Variants in EIF4G3 observed in about 807,000 individuals in gnomAD.
EIF4G3 encodes the protein eIF-4-gamma 3.
Under a neutral mutation model 186.4 loss-of-function variants are expected in EIF4G3, and 34 were observed. That is an observed-to-expected ratio of 0.18 (90% confidence interval 0.14 to 0.24). EIF4G3 has a LOEUF of 0.24. Ranked by LOEUF, EIF4G3 falls within the 10% of genes least tolerant of loss-of-function variation. The pLI, the probability that EIF4G3 is intolerant of heterozygous loss-of-function variation, is 1.00. For synonymous variants in EIF4G3, 673 were observed against 679.5 expected, an observed-to-expected ratio of 0.99 and a Z score of 0.15; for missense variants, 1,536 against 1,948.5, an observed-to-expected ratio of 0.79 and a Z score of 3.99.
At chr1:20,869,306 A>ATTTTTTTTTTTTTTTTTTTTTTTTTTTTT (rs954573350) in intron 20 of EIF4G3, among the ~76,000 whole-genome samples, 2 of 97,396 alleles carry the variant, frequency 2.1e-5, no homozygotes, top group Non-Finnish European at 4.0e-5. Context: ...TTACTTTAAA[A>ATTTTTTTTTTTTTTTTTTTTTTTTTTTTT]TTTTTTTTTT....
intron 7 of EIF4G3, among the ~76,000 whole-genome samples, chr1:20,986,123 T>A (rs1473165022): frequency 1.3e-5 from 2 of 152,198 alleles, no homozygotes; most frequent in East Asian, 3.9e-4. Flanking sequence ...AATTCCCAAA[T>A]GAGCTTGATC....
chr1:20,878,273 A>G (rs1204807225), intron 20 of EIF4G3, among the ~76,000 whole-genome samples: 43 of 152,122 alleles, frequency 2.8e-4, no homozygotes, highest in Admixed American at 2.8e-3. Flanking sequence ...TTCTTCTCCA[A>G]ATGTGTATTC....
At chr1:20,938,291 G>A (rs1018825505) in intron 14 of EIF4G3, among the ~76,000 whole-genome samples, 5 of 152,104 alleles carry the variant, frequency 3.3e-5, no homozygotes, top group Non-Finnish European at 4.4e-5. Context: ...CACCGCGCCC[G>A]GCCTCAACTG....
At chr1:21,053,957 G>T (rs1317039492) in intron 3 of EIF4G3, among the ~76,000 whole-genome samples, 1 of 152,062 alleles carries the variant, frequency 6.6e-6, no homozygotes, top group African/African-American at 2.4e-5. Flanking sequence ...CCACCACCCC[G>T]TCTGGGAGGT....
intron 19 of EIF4G3, 126 bp from the exon 20 acceptor site, chr1:20,879,646 C>G: frequency 1.9e-6 from 1 of 540,224 alleles, no homozygotes; most frequent in Non-Finnish European, 2.9e-6. Context: ...GGACTGTGAA[C>G]TAGTGACAGA....
Position 20,969,462 on chromosome 1 carries a change from ACT to A in EIF4G3, c.714+10_714+11del. On this transcript the variant is annotated intron_variant, in intron 12 of 36. Transcript: ENST00000602326. ...CAAATAGTGCCATCCATTACAGCTC[ACT>A]CTGTCTTACCTGAGGAGGAGTAGGT... 2 of 1,612,430 alleles carry A rather than the reference ACT, an allele frequency of 1.2e-6. No homozygotes were observed.
intron 14 of EIF4G3, among the ~76,000 whole-genome samples, chr1:20,923,754 A>T (rs1017816343): frequency 6.6e-6 from 1 of 151,782 alleles, no homozygotes; most frequent in African/African-American, 2.4e-5. Flanking sequence ...ATAATAAAAA[A>T]TACACTCTAA....
chr1:20,880,706 G>A (rs1189605253), intron 19 of EIF4G3, among the ~76,000 whole-genome samples: 3 of 152,116 alleles, frequency 2.0e-5, no homozygotes, highest in Non-Finnish European at 4.4e-5. Flanking sequence ...AGCTGAGATC[G>A]CACCACTGCA....
chr1:20,987,783 T>C (rs2079923758), intron 7 of EIF4G3, among the ~76,000 whole-genome samples: 1 of 152,204 alleles, frequency 6.6e-6, no homozygotes, highest in South Asian at 2.1e-4. Flanking sequence ...AATTAATAAC[T>C]GAACAGTGGC....
At chr1:20,898,841 C>T (rs1457892775) in intron 16 of EIF4G3, among the ~76,000 whole-genome samples, 1 of 152,190 alleles carries the variant, frequency 6.6e-6, no homozygotes, top group Admixed American at 6.5e-5. Flanking sequence ...AGCGATTCTC[C>T]TGCCTCAGCT....
At chr1:20,982,456 T>A in intron 7 of EIF4G3, 48 bp from the exon 8 acceptor site, 7 of 1,488,486 alleles carry the variant, frequency 4.7e-6, no homozygotes, top group South Asian at 2.5e-5. Flanking sequence ...AGAAAGCCAA[T>A]GGAAAAGCTT....
At chr1:21,151,551 A>G (rs1462344145) in intron 2 of EIF4G3, among the ~76,000 whole-genome samples, 2 of 151,956 alleles carry the variant, frequency 1.3e-5, no homozygotes, top group Non-Finnish European at 2.9e-5. Flanking sequence ...ATGGTTATAT[A>G]GTATTTCAAT....
At chr1:20,884,972 A>T (rs1256113682) in intron 19 of EIF4G3, among the ~76,000 whole-genome samples, 1 of 152,168 alleles carries the variant, frequency 6.6e-6, no homozygotes, top group Non-Finnish European at 1.5e-5. Context: ...AAATTGTTCC[A>T]CCTCAGATCA....
chr1:20,860,298 A>C, intron 24 of EIF4G3, 87 bp downstream of exon 24: 1 of 1,554,380 alleles, frequency 6.4e-7, no homozygotes, highest in Non-Finnish European at 8.7e-7. Context: ...GTTCTTTCTG[A>C]TCTCATTTTA....
At chr1:21,049,155 G>A (rs2094068753) in intron 4 of EIF4G3, among the ~76,000 whole-genome samples, 1 of 152,140 alleles carries the variant, frequency 6.6e-6, no homozygotes, top group Non-Finnish European at 1.5e-5. Context: ...TAAGAGATTG[G>A]TGCTGGAGAA....
chr1:20,808,267 G>A (rs544837055), intron 36 of EIF4G3, among the ~76,000 whole-genome samples: 1 of 152,032 alleles, frequency 6.6e-6, no homozygotes, highest in African/African-American at 2.4e-5. Flanking sequence ...TTAAATACGA[G>A]TAGTTTTTTA....
At chr1:21,141,480 G>GAAAA (rs1221266065) in intron 2 of EIF4G3, among the ~76,000 whole-genome samples, 1 of 70,004 alleles carries the variant, frequency 1.4e-5, no homozygotes, top group Non-Finnish European at 3.0e-5. Context: ...CCTACCAAGA[G>GAAAA]AAAAAAAAAA....
chr1:20,964,058 T>C (rs2154564914), intron 12 of EIF4G3, among the ~76,000 whole-genome samples: 1 of 152,326 alleles, frequency 6.6e-6, no homozygotes, highest in South Asian at 2.1e-4. Context: ...CTATTAGGCA[T>C]AATAGCTAGC....
intron 3 of EIF4G3, among the ~76,000 whole-genome samples, chr1:21,052,964 C>T (rs551324675): frequency 5.3e-5 from 8 of 151,010 alleles, no homozygotes; most frequent in East Asian, 2.0e-4. Context: ...GCCTTGGCCC[C>T]GCAAAGTGCC....
Sources: allele counts gnomAD v4.1 joint callset (sites outside exome capture counted in the v4.1 genomes callset), GRCh38; gene constraint gnomAD v4.1.1; transcripts MANE v1.5; gene names NCBI Gene and HGNC (gene_info 2026-07-23, HGNC 2026-07-21).